PTPRC: variants seen among roughly 807,000 people sequenced by gnomAD.
PTPRC encodes protein tyrosine phosphatase receptor type C, also known as receptor-type tyrosine-protein phosphatase C.
In PTPRC, 44 loss-of-function variants were observed where a neutral mutation model predicts 155.9. The ratio of observed to expected loss-of-function variants is 0.28; its 90% CI spans 0.22 to 0.36. The LOEUF is 0.36. Ranked by LOEUF, PTPRC falls within the 10% of genes least tolerant of loss-of-function variation. PTPRC has a pLI of 1.00. For missense variants in PTPRC, 1,401 were observed against 1,564.6 expected, an observed-to-expected ratio of 0.90 and a Z score of 1.76; for synonymous variants, 525 against 533.1, an observed-to-expected ratio of 0.98 and a Z score of 0.21.
Position 198,754,252 on chromosome 1 carries a change from T to TTTTC in PTPRC, c.3510-9_3510-6dup, listed in dbSNP as rs756027408. 1.2e-6 allele frequency: 2 copies of TTTTC among 1,600,768 alleles called. No individual in the cohort carries two copies. The highest frequency in any genetic ancestry group is 3.3e-5 in the Admixed American group (2 of 59,858). ...GTGAGAAGTAGGATTATTTTCTATC[T>TTTTC]TTTCTTTCTTTTATAGGGATGGATC... On this transcript the variant is annotated splice_polypyrimidine_tract_variant and intron_variant, in intron 31 of 32. Coordinates refer to ENST00000442510, the MANE Select transcript of PTPRC (RefSeq NM_002838.5).
At chr1:198,702,627 T>C in intron 6 of PTPRC, 97 bp downstream of exon 6, 1 of 1,511,176 alleles carries the variant, frequency 6.6e-7, no homozygotes, top group Non-Finnish European at 9.2e-7. Context: ...CCAGATATTA[T>C]TTGTAGGTTT....
At chr1:198,689,886 A>T (rs1665834351) in intron 2 of PTPRC, among the ~76,000 whole-genome samples, 1 of 152,166 alleles carries the variant, frequency 6.6e-6, no homozygotes, top group South Asian at 2.1e-4. Flanking sequence ...ATGTCATTGC[A>T]GATGACTAGA....
intron 2 of PTPRC, among the ~76,000 whole-genome samples, chr1:198,643,422 G>T (rs932528931): frequency 6.6e-6 from 1 of 151,856 alleles, no homozygotes. Context: ...GGGAGAATAT[G>T]AGATAAAAAA....
At chr1:198,649,467 AG>A (rs998799726) in intron 2 of PTPRC, among the ~76,000 whole-genome samples, 1 of 151,916 alleles carries the variant, frequency 6.6e-6, no homozygotes, top group African/African-American at 2.4e-5. Context: ...AAAAAGGAAA[AG>A]GTCAGGGAGC....
chr1:198,705,043 T>C (rs1269114861), intron 8 of PTPRC, among the ~76,000 whole-genome samples: 1 of 151,906 alleles, frequency 6.6e-6, no homozygotes, highest in East Asian at 1.9e-4. Flanking sequence ...AGAAGAAAAA[T>C]CTCTCTTTTT....
intron 11 of PTPRC, among the ~76,000 whole-genome samples, chr1:198,711,564 T>C (rs1417113035): frequency 6.6e-6 from 1 of 152,182 alleles, no homozygotes; most frequent in African/African-American, 2.4e-5. Context: ...AATGTGTAGC[T>C]TTAGCAAAGA....
intron 32 of PTPRC, 170 bp downstream of exon 32, chr1:198,754,574 AT>A (rs1185741510): frequency 7.8e-6 from 6 of 774,152 alleles, no homozygotes; most frequent in Admixed American, 3.1e-5. Context: ...CTTTTACATG[AT>A]AATTCACATT....
At chr1:198,712,015 C>A (rs553174201) in intron 11 of PTPRC, among the ~76,000 whole-genome samples, 1 of 152,276 alleles carries the variant, frequency 6.6e-6, no homozygotes, top group East Asian at 1.9e-4. Context: ...GAATTTCACT[C>A]CAGGTATTTA....
At chr1:198,741,154 G>C (rs1654881821) in intron 23 of PTPRC, among the ~76,000 whole-genome samples, 1 of 151,788 alleles carries the variant, frequency 6.6e-6, no homozygotes, top group South Asian at 2.1e-4. Flanking sequence ...TGGGTTTACT[G>C]GTGTTAATTA....
intron 1 of PTPRC, 44 bp downstream of exon 1, chr1:198,639,181 A>G (rs1017588531): frequency 1.9e-6 from 2 of 1,067,650 alleles, no homozygotes; most frequent in African/African-American, 3.1e-5. Flanking sequence ...ATTCGTTTTT[A>G]CAGAGAAAAA....
rs116152264 is a variant in PTPRC, at chr1:198,641,372, A to G, written c.73+2031A>G. Among the ~76,000 whole-genome samples the G allele has an allele frequency of 1.3e-5, 2 of 152,202 alleles. 1 individual carries two copies. Among genetic ancestry groups the G allele is most frequent in the Non-Finnish European group, 2.9e-5 (2 of 67,978 alleles). On this transcript the variant is annotated intron_variant, in intron 2 of 32. Transcript: ENST00000442510. ...CATTTTAACGTGTTAAAATTAGTTT[A>G]GTGCCTACAGGAAATAATAAACTTT...
intron 2 of PTPRC, among the ~76,000 whole-genome samples, chr1:198,642,357 A>ATCT (rs1557959477): frequency 9.7e-5 from 10 of 103,154 alleles, no homozygotes; most frequent in African/African-American, 2.8e-4. Context: ...TATACTAGTC[A>ATCT]ATCTATCTAT....
At chr1:198,721,131 TTTTC>T (rs1168436391) in intron 14 of PTPRC, among the ~76,000 whole-genome samples, 17 of 152,242 alleles carry the variant, frequency 1.1e-4, no homozygotes, top group Non-Finnish European at 7.3e-5. Flanking sequence ...ATGGTTTTTG[TTTTC>T]TTTATTATAC....
Position 198,713,087 on chromosome 1 carries a change from A to G in PTPRC, c.1291+15A>G, listed in dbSNP as rs2102428783. 1 of 1,613,160 alleles carries G rather than the reference A, an allele frequency of 6.2e-7. No individual in the cohort carries two copies. Among genetic ancestry groups the G allele is most frequent in the Non-Finnish European group, 8.5e-7 (1 of 1,179,338 alleles). ...AAAAGAGACAGGTAATTTGTGTAGAATTTAATTTCATCAGAAAAGAGAAAT... is the reference window on the plus strand; with the variant it reads ...AAAAGAGACAGGTAATTTGTGTAGAGTTTAATTTCATCAGAAAAGAGAAAT... On this transcript the variant is annotated intron_variant, in intron 12 of 32. Transcript: ENST00000442510.
chr1:198,649,861 GAT>G (rs1663147689), intron 2 of PTPRC, among the ~76,000 whole-genome samples: 1 of 151,852 alleles, frequency 6.6e-6, no homozygotes, highest in African/African-American at 2.4e-5. Context: ...AACAAATTGA[GAT>G]AACTTCAGTT....
chr1:198,724,762 CT>C (rs1342821625), intron 15 of PTPRC, among the ~76,000 whole-genome samples: 1 of 150,812 alleles, frequency 6.6e-6, no homozygotes. Context: ...TGTCTTTATT[CT>C]TGGTCTTACC....
chr1:198,669,257 T>C (rs954437419), intron 2 of PTPRC, among the ~76,000 whole-genome samples: 1 of 152,192 alleles, frequency 6.6e-6, no homozygotes, highest in African/African-American at 2.4e-5. Flanking sequence ...TGCTTAGTGT[T>C]GTTTACCCTG....
chr1:198,678,105 T>C (rs1278907028), intron 2 of PTPRC, among the ~76,000 whole-genome samples: 1 of 152,230 alleles, frequency 6.6e-6, no homozygotes, highest in East Asian at 1.9e-4. Flanking sequence ...TTCAAAATTA[T>C]ATTGCTCAAA....
intron 2 of PTPRC, among the ~76,000 whole-genome samples, chr1:198,669,597 A>G (rs1025719640): frequency 6.6e-6 from 1 of 152,140 alleles, no homozygotes; most frequent in Non-Finnish European, 1.5e-5. Context: ...CCGACATGGA[A>G]TCCACGGCAT....
Sources: allele counts gnomAD v4.1 joint callset (sites outside exome capture counted in the v4.1 genomes callset), GRCh38; gene constraint gnomAD v4.1.1; transcripts MANE v1.5; gene names NCBI Gene and HGNC (gene_info 2026-07-23, HGNC 2026-07-21).